Variants in SBF2 observed in about 807,000 individuals in gnomAD.
SBF2 encodes myotubularin-related protein 13.
Under a neutral mutation model 225.2 loss-of-function variants are expected in SBF2, and 112 were observed. That is an observed-to-expected ratio of 0.50 (90% CI 0.43 to 0.58). SBF2 has a LOEUF of 0.58. Ranked by LOEUF, SBF2 falls within the 20% of genes least tolerant of loss-of-function variation. The probability of loss-of-function intolerance (pLI) is 0.00; values close to 1 mark genes in which losing one functional copy is unlikely to be tolerated. For synonymous variants in SBF2, 763 were observed against 773.3 expected (o/e 0.99, Z 0.22); for missense variants, 1,996 against 2,206.2 (o/e 0.90, Z 1.91).
intron 16 of SBF2, among the ~76,000 whole-genome samples, chr11:9,924,958 A>G (rs1913159): frequency 0.27 from 40,493 of 151,722 alleles, 6,274 homozygotes; most frequent in African/African-American, 0.44. Flanking sequence ...TATGTTGCCC[A>G]GGCTGGTCTT....
intron 1 of SBF2, among the ~76,000 whole-genome samples, chr11:10,201,931 T>C (rs1049946214): frequency 2.0e-5 from 3 of 152,208 alleles, no homozygotes; most frequent in South Asian, 4.1e-4. Flanking sequence ...GGTATGTCAT[T>C]AAAAATAATA....
intron 1 of SBF2, among the ~76,000 whole-genome samples, chr11:10,262,757 G>A (rs906019645): frequency 2.0e-5 from 3 of 152,076 alleles, no homozygotes; most frequent in Non-Finnish European, 2.9e-5. Flanking sequence ...AAGTATCCTT[G>A]ATTTTTTTGA....
At chr11:10,259,126 C>A (rs1367223460) in intron 1 of SBF2, among the ~76,000 whole-genome samples, 1 of 152,066 alleles carries the variant, frequency 6.6e-6, no homozygotes, top group East Asian at 1.9e-4. Flanking sequence ...TCCTTGCAAC[C>A]AACACTATTT....
intron 36 of SBF2, among the ~76,000 whole-genome samples, chr11:9,787,116 G>A (rs953885906): frequency 1.8e-4 from 28 of 152,080 alleles, no homozygotes; most frequent in Admixed American, 1.8e-3. Context: ...GGATGGTCTC[G>A]ATCTCTTGAC....
chr11:10,274,881 T>G (rs1962836092), intron 1 of SBF2, among the ~76,000 whole-genome samples: 1 of 152,232 alleles, frequency 6.6e-6, no homozygotes, highest in Non-Finnish European at 1.5e-5. Flanking sequence ...TGCTTAAAAT[T>G]TTTAACAAGT....
At chr11:10,104,247 C>T (rs1030489300) in intron 2 of SBF2, among the ~76,000 whole-genome samples, 5 of 152,194 alleles carry the variant, frequency 3.3e-5, no homozygotes, top group East Asian at 1.9e-4. Context: ...TCCTAAAACA[C>T]GATCTATCCT....
In SBF2 at chr11:10,071,881, T is replaced by C. The variant is rs570121159; in HGVS notation, c.142-28900A>G. Among the ~76,000 whole-genome samples the C allele has an allele frequency of 2.0e-5, 3 of 152,324 alleles. No individual in the cohort carries two copies. The South Asian group carries it at 6.2e-4, about 32-fold the overall frequency. On this transcript the variant is annotated intron_variant, in intron 2 of 39. Coordinates refer to ENST00000256190, the MANE Select transcript of SBF2 (RefSeq NM_030962.4). ...ATGGTGGATAAGCTTTTTGATGTGC[T>C]GCTGGATTTGGTTTGCCAGTATTTT... is the stretch of plus-strand genomic sequence containing the variant.
intron 2 of SBF2, among the ~76,000 whole-genome samples, chr11:10,144,147 A>G (rs1399070824): frequency 2.0e-5 from 3 of 152,234 alleles, no homozygotes; most frequent in Non-Finnish European, 4.4e-5. Flanking sequence ...ATTACTTAAT[A>G]TATGCACGTA....
At chr11:10,272,766 A>AAAT (rs140871661) in intron 1 of SBF2, among the ~76,000 whole-genome samples, 50,828 of 144,214 alleles carry the variant, frequency 0.35, 9,370 homozygotes, top group Non-Finnish European at 0.44. Context: ...CCTTGTCTTA[A>AAAT]AATAATAATA....
intron 28 of SBF2, chr11:9,828,576 G>A (rs1269898660): frequency 2.0e-6 from 2 of 985,256 alleles, no homozygotes; most frequent in African/African-American, 3.5e-5. Flanking sequence ...ATGCTCCTGT[G>A]TCTAACACAT....
chr11:9,908,624 C>T (rs955895119), intron 16 of SBF2, among the ~76,000 whole-genome samples: 36 of 151,698 alleles, frequency 2.4e-4, no homozygotes, highest in Admixed American at 7.2e-4. Flanking sequence ...GAGACTCCGT[C>T]TCAAAAAAAA....
intron 2 of SBF2, among the ~76,000 whole-genome samples, chr11:10,173,185 G>T (rs1023044400): frequency 1.3e-5 from 2 of 152,194 alleles, no homozygotes; most frequent in Non-Finnish European, 2.9e-5. Flanking sequence ...AACAGCTCTG[G>T]TCTACAGCTC....
intron 1 of SBF2, among the ~76,000 whole-genome samples, chr11:10,250,526 T>C (rs1423394575): frequency 6.6e-6 from 1 of 152,178 alleles, no homozygotes; most frequent in Admixed American, 6.5e-5. Context: ...CAATGTTTGG[T>C]TCCATATTTC....
At chr11:9,802,012 T>C (rs1051096388) in intron 32 of SBF2, among the ~76,000 whole-genome samples, 1 of 152,216 alleles carries the variant, frequency 6.6e-6, no homozygotes, top group Non-Finnish European at 1.5e-5. Context: ...TGAATCAATT[T>C]ACAATTTGAA....
At chr11:10,218,640 G>A (rs756540961) in intron 1 of SBF2, among the ~76,000 whole-genome samples, 2 of 152,084 alleles carry the variant, frequency 1.3e-5, no homozygotes, top group African/African-American at 2.4e-5. Context: ...CAGATACAAC[G>A]GAGGGTCTAC....
In SBF2 at chr11:10,294,007, A is replaced by C; in HGVS notation, c.55+8T>G. On this transcript the variant is annotated splice_region_variant and intron_variant, in intron 1 of 39. Transcript: ENST00000256190. The stretch of plus-strand genomic sequence containing the variant: ...AGGCCCGGGGGCGGTGCCGCCCCAC[A>C]CCCTTACCTGGCTTCTCGTGGTCAT... The C allele has an allele frequency of 7.2e-7, 1 of 1,386,828 alleles. No individual in the cohort carries two copies. Among genetic ancestry groups the C allele is most frequent in the Non-Finnish European group, 9.4e-7 (1 of 1,064,678 alleles). 85.9% of individuals were successfully genotyped at this position (1,386,828 alleles called of 1,614,324 possible).
rs1013690793 is a variant in SBF2 at position 10,252,529 on chromosome 11, C to A, written c.55+41486G>T. On this transcript the variant is annotated intron_variant, in intron 1 of 39. Coordinates refer to ENST00000256190, the MANE Select transcript of SBF2 (RefSeq NM_030962.4). ...TCAAATAAGGCAAACGCTGGCCGGG[C>A]GCGGTGGCTCACGCCTGTAATCCCA... Among the ~76,000 whole-genome samples, 6 of 152,208 alleles carry A rather than the reference C, an allele frequency of 3.9e-5. No homozygotes were observed. The South Asian group carries it at 1.2e-3, about 32-fold the overall frequency.
chr11:10,062,212 T>C (rs1565186464), intron 2 of SBF2, among the ~76,000 whole-genome samples: 1 of 152,180 alleles, frequency 6.6e-6, no homozygotes, highest in East Asian at 1.9e-4. Flanking sequence ...AAGACTTAAA[T>C]GTAAAACCCA....
chr11:10,246,377 G>T (rs899665151), intron 1 of SBF2, among the ~76,000 whole-genome samples: 2 of 152,126 alleles, frequency 1.3e-5, no homozygotes, highest in African/African-American at 2.4e-5. Context: ...TCCGCCTCCC[G>T]GGTTCAAGCA....
Sources: gnomAD v4.1 joint callset for allele counts (sites outside exome capture counted in the v4.1 genomes callset) on GRCh38, gnomAD v4.1.1 for gene constraint, MANE v1.5 for transcripts, NCBI Gene and HGNC (gene_info 2026-07-23, HGNC 2026-07-21) for gene names.